BFSP2: variants seen among roughly 807,000 people sequenced by gnomAD.
BFSP2 encodes phakinin.
BFSP2 carries 38 observed loss-of-function variants against 44.9 expected under a neutral mutation model. The observed-to-expected ratio is 0.85, with a 90% CI of 0.65 to 1.11. BFSP2 has a LOEUF of 1.11. Among genes scored for constraint, BFSP2 ranks in the 50% least tolerant of loss-of-function variants. BFSP2 has a pLI of 0.00. For missense variants in BFSP2, 525 were observed against 533.0 expected, an observed-to-expected ratio of 0.99 and a Z score of 0.15; for synonymous variants, 197 against 209.9, an observed-to-expected ratio of 0.94 and a Z score of 0.53.
At position 133,475,041 on chromosome 3, in the gene BFSP2, G is replaced by A. The variant is rs933855783; in HGVS notation, c.*69G>A. ...ACAGCTGACCCAAGAAGTTGCTTGA[G>A]GAGCTTTCTCCTGAGCTCCAGTCCC... On this transcript the variant is annotated 3_prime_UTR_variant, in exon 7 of 7. Coordinates refer to ENST00000302334, the MANE Select transcript of BFSP2 (RefSeq NM_003571.4). 1 of 1,593,860 alleles carries A rather than the reference G, an allele frequency of 6.3e-7. No homozygotes were observed. Among genetic ancestry groups the A allele is most frequent in the African/African-American group, 1.3e-5 (1 of 74,448 alleles).
rs2074201853 is a variant in BFSP2 at position 133,475,076 on chromosome 3, C to G, written c.*104C>G. 1 of 1,493,202 alleles carries G rather than the reference C, an allele frequency of 6.7e-7. No individual in the cohort carries two copies. The highest frequency in any genetic ancestry group is 1.7e-5 in the Admixed American group (1 of 59,774). The allele number at this position is 1,493,202 out of a possible 1,614,324, so 92.5% of individuals were successfully genotyped here. On this transcript the variant is annotated 3_prime_UTR_variant, in exon 7 of 7. Coordinates refer to ENST00000302334, the MANE Select transcript of BFSP2 (RefSeq NM_003571.4). ...CCTGAGCTCCAGTCCCTGCTGGATT[C>G]CCTGGTTAATTCAGCTTGAGCTGAA...
intron 5 of BFSP2, among the ~76,000 whole-genome samples, chr3:133,467,213 C>G (rs1451918668): frequency 6.6e-6 from 1 of 152,204 alleles, no homozygotes; most frequent in Non-Finnish European, 1.5e-5. Flanking sequence ...ACATCTGCAG[C>G]CGCCCCTTTT....
intron 1 of BFSP2, among the ~76,000 whole-genome samples, chr3:133,403,321 C>A (rs868457436): frequency 1.4e-4 from 22 of 152,152 alleles, no homozygotes; most frequent in South Asian, 2.1e-4. Context: ...TCACAGCACT[C>A]CTTACCCCTC....
At chr3:133,424,216 T>TGTGTGTGTGTGTGTGAGTGTGTGTG (rs1559963358) in intron 1 of BFSP2, among the ~76,000 whole-genome samples, 1 of 49,416 alleles carries the variant, frequency 2.0e-5, no homozygotes, top group Admixed American at 1.6e-4. Context: ...CAGCTAATTT[T>TGTGTGTGTGTGTGTGAGTGTGTGTG]TTTTTTTTTT....
At chr3:133,437,955 G>A (rs1000698110) in intron 1 of BFSP2, among the ~76,000 whole-genome samples, 4 of 152,214 alleles carry the variant, frequency 2.6e-5, no homozygotes, top group Non-Finnish European at 5.9e-5. Context: ...CAGCAGAGTA[G>A]CATAGTAATT....
At chr3:133,407,665 G>A (rs1035509616) in intron 1 of BFSP2, among the ~76,000 whole-genome samples, 3 of 152,094 alleles carry the variant, frequency 2.0e-5, no homozygotes, top group African/African-American at 7.2e-5. Flanking sequence ...AAATAGTTTA[G>A]CGTTGGCACA....
chr3:133,443,163 A>G (rs1304604333), intron 1 of BFSP2, among the ~76,000 whole-genome samples: 3 of 152,158 alleles, frequency 2.0e-5, no homozygotes, highest in Non-Finnish European at 4.4e-5. Context: ...CCCGGCCAAA[A>G]TTATCTAGAT....
intron 5 of BFSP2, among the ~76,000 whole-genome samples, chr3:133,472,037 G>T (rs1006564351): frequency 6.6e-6 from 1 of 151,636 alleles, no homozygotes; most frequent in Non-Finnish European, 1.5e-5. Flanking sequence ...CTCTTGCCCC[G>T]CTCCTCTCTC....
intron 1 of BFSP2, among the ~76,000 whole-genome samples, chr3:133,435,835 G>A (rs1228700133): frequency 3.9e-5 from 6 of 151,948 alleles, no homozygotes; most frequent in African/African-American, 1.5e-4. Flanking sequence ...GATTTCTTTA[G>A]GGCATTGTCC....
intron 1 of BFSP2, among the ~76,000 whole-genome samples, chr3:133,408,678 T>C (rs2073424039): frequency 6.6e-6 from 1 of 152,194 alleles, no homozygotes; most frequent in South Asian, 2.1e-4. Context: ...GAACAAGAAA[T>C]CGCTCTATAG....
intron 1 of BFSP2, among the ~76,000 whole-genome samples, chr3:133,425,640 G>A (rs1034423058): frequency 4.6e-5 from 7 of 151,806 alleles, no homozygotes; most frequent in African/African-American, 1.7e-4. Flanking sequence ...CCCCTGCCCA[G>A]GTAGGGCCAA....
chr3:133,439,020 T>C (rs943803829), intron 1 of BFSP2, among the ~76,000 whole-genome samples: 3 of 152,260 alleles, frequency 2.0e-5, no homozygotes, highest in African/African-American at 7.2e-5. Flanking sequence ...GGCAAGTTAC[T>C]TAAACTCTCT....
intron 4 of BFSP2, among the ~76,000 whole-genome samples, chr3:133,456,707 C>A (rs1247529835): frequency 6.6e-6 from 1 of 152,126 alleles, no homozygotes; most frequent in Non-Finnish European, 1.5e-5. Context: ...GCTCTGATCG[C>A]ACCACTGCAC....
At chr3:133,427,688 C>T (rs947968158) in intron 1 of BFSP2, among the ~76,000 whole-genome samples, 1 of 152,178 alleles carries the variant, frequency 6.6e-6, no homozygotes, top group African/African-American at 2.4e-5. Flanking sequence ...GGCAACAACA[C>T]ACTAAACTGT....
At chr3:133,416,085 A>C (rs2073524896) in intron 1 of BFSP2, among the ~76,000 whole-genome samples, 1 of 109,392 alleles carries the variant, frequency 9.1e-6, no homozygotes. Context: ...TCTTCCCTCT[A>C]CTCACCCCTG....
intron 1 of BFSP2, among the ~76,000 whole-genome samples, chr3:133,409,102 T>C (rs1243324683): frequency 6.6e-6 from 1 of 152,252 alleles, no homozygotes; most frequent in Non-Finnish European, 1.5e-5. Flanking sequence ...TCCAAGTGGC[T>C]TTTTAAACCA....
At chr3:133,439,657 A>G (rs372727932) in intron 1 of BFSP2, among the ~76,000 whole-genome samples, 20 of 152,328 alleles carry the variant, frequency 1.3e-4, no homozygotes, top group East Asian at 9.6e-4. Context: ...AGCAGGAGTC[A>G]AGGTCTGGAA....
chr3:133,426,983 C>G (rs76585288), intron 1 of BFSP2, among the ~76,000 whole-genome samples: 110 of 152,300 alleles, frequency 7.2e-4, no homozygotes, highest in African/African-American at 2.5e-3. Context: ...GCTCATTTCC[C>G]CTGTGCCTCT....
At chr3:133,416,162 C>T (rs2073525927) in intron 1 of BFSP2, among the ~76,000 whole-genome samples, 1 of 146,990 alleles carries the variant, frequency 6.8e-6, no homozygotes, top group South Asian at 2.2e-4. Flanking sequence ...CACCACTGTC[C>T]TCTCCCCTCT....
Sources: gnomAD v4.1 joint callset for allele counts (sites outside exome capture counted in the v4.1 genomes callset) on GRCh38, gnomAD v4.1.1 for gene constraint, MANE v1.5 for transcripts, NCBI Gene and HGNC (gene_info 2026-07-23, HGNC 2026-07-21) for gene names.